NFIB: variants seen among roughly 807,000 people sequenced by gnomAD.
The protein encoded by NFIB is nuclear factor I B.
A neutral mutation model predicts 61.5 loss-of-function variants in NFIB; 11 were observed. The observed-to-expected ratio is 0.18, with a 90% CI of 0.11 to 0.30. The LOEUF (loss-of-function observed/expected upper bound fraction) is 0.30. Ranked by LOEUF, NFIB falls within the 10% of genes least tolerant of loss-of-function variation. The pLI is 1.00. For synonymous variants in NFIB, 260 were observed against 216.5 expected (o/e 1.20, Z -1.76); for missense variants, 471 against 608.9 (o/e 0.77, Z 2.38).
chr9:14,360,797 G>T (rs1564030644), intron 1 of NFIB, among the ~76,000 whole-genome samples: 1 of 152,070 alleles, frequency 6.6e-6, no homozygotes, highest in African/African-American at 2.4e-5. Context: ...GCCCGCCTGG[G>T]CCTCCCAAAG....
At chr9:14,090,463 T>C (rs1209392581) in intron 10 of NFIB, among the ~76,000 whole-genome samples, 1 of 152,118 alleles carries the variant, frequency 6.6e-6, no homozygotes, top group Non-Finnish European at 1.5e-5. Flanking sequence ...TACATGGTCC[T>C]GTTACAGCAT....
chr9:14,091,977 C>G (rs1478268559), intron 10 of NFIB, among the ~76,000 whole-genome samples: 1 of 152,022 alleles, frequency 6.6e-6, no homozygotes, highest in Non-Finnish European at 1.5e-5. Context: ...TATTTTCTTG[C>G]TATTTTGACC....
intron 2 of NFIB, among the ~76,000 whole-genome samples, chr9:14,189,636 C>T (rs1434742973): frequency 6.6e-6 from 1 of 151,298 alleles, no homozygotes; most frequent in South Asian, 2.1e-4. Flanking sequence ...GGTTGCACTG[C>T]CCCTTGCAAA....
chr9:14,413,816 C>T, the NFIB span, among the ~76,000 whole-genome samples: 4 of 152,106 alleles, frequency 2.6e-5, no homozygotes, highest in Admixed American at 2.6e-4. Flanking sequence ...TTGACCATGT[C>T]AGGCTCAGTC....
the NFIB span, among the ~76,000 whole-genome samples, chr9:14,503,744 T>C: frequency 6.6e-6 from 1 of 152,248 alleles, no homozygotes; most frequent in African/African-American, 2.4e-5. Context: ...GATGTATAGA[T>C]TGTGAAGATT....
At chr9:14,305,968 G>T in intron 2 of NFIB, 1 of 1,349,632 alleles carries the variant, frequency 7.4e-7, no homozygotes, top group South Asian at 1.9e-5. Flanking sequence ...TGTTGGTAAT[G>T]CAAGGACATC....
chr9:14,465,485 G>C, the NFIB span, among the ~76,000 whole-genome samples: 2 of 152,026 alleles, frequency 1.3e-5, no homozygotes, highest in Non-Finnish European at 2.9e-5. Context: ...TAACAACATA[G>C]AGAGAAGAAA....
chr9:14,488,329 C>G, the NFIB span, among the ~76,000 whole-genome samples: 5 of 150,544 alleles, frequency 3.3e-5, no homozygotes, highest in Admixed American at 3.3e-4. Context: ...CACCACCGCA[C>G]TTCAATCTGG....
At chr9:14,267,322 T>C (rs1449811913) in intron 2 of NFIB, among the ~76,000 whole-genome samples, 1 of 152,184 alleles carries the variant, frequency 6.6e-6, no homozygotes, top group Non-Finnish European at 1.5e-5. Flanking sequence ...ACAAAAGTAG[T>C]CTATAGAGGA....
chr9:14,431,594 G>C, the NFIB span, among the ~76,000 whole-genome samples: 3 of 151,706 alleles, frequency 2.0e-5, no homozygotes, highest in Non-Finnish European at 2.9e-5. Flanking sequence ...TAATTATCAA[G>C]GTAATATCAT....
chr9:14,342,464 A>G (rs762380623), intron 1 of NFIB, among the ~76,000 whole-genome samples: 50 of 151,842 alleles, frequency 3.3e-4, no homozygotes, highest in Admixed American at 8.5e-4. Flanking sequence ...GGCAGGGAGG[A>G]GGGAAGGGAA....
At chr9:14,451,394 A>T in the NFIB span, among the ~76,000 whole-genome samples, 2 of 152,218 alleles carry the variant, frequency 1.3e-5, no homozygotes, top group African/African-American at 4.8e-5. Flanking sequence ...ATTGAACCTT[A>T]ATGTGCTCAC....
chr9:14,154,518 C>G (rs555802858), intron 4 of NFIB, among the ~76,000 whole-genome samples: 1 of 152,210 alleles, frequency 6.6e-6, no homozygotes, highest in African/African-American at 2.4e-5. Flanking sequence ...TTGGATATCA[C>G]ATATTGATCT....
intron 2 of NFIB, among the ~76,000 whole-genome samples, chr9:14,276,713 A>G (rs560503658): frequency 5.3e-5 from 8 of 152,258 alleles, no homozygotes; most frequent in Non-Finnish European, 8.8e-5. Flanking sequence ...ACATAGAAGT[A>G]TCTGACTTTA....
chr9:14,313,358 G>T lies in NFIB; in HGVS notation c.30+124C>A. 7.1e-7 allele frequency: 1 copy of T among 1,399,398 alleles called. No homozygotes were observed. Among genetic ancestry groups the T allele is most frequent in the Non-Finnish European group, 9.8e-7 (1 of 1,025,638 alleles). The allele number at this position is 1,399,398 out of a possible 1,614,324, so 86.7% of individuals were successfully genotyped here. ...CCCCGCGACGCCCGCTGCAACTCCG[G>T]GCCACTTCTCCAAGGGACGGGGATG... On this transcript the variant is annotated intron_variant, in intron 1 of 10. Coordinates refer to ENST00000380953, the MANE Select transcript of NFIB (RefSeq NM_001190737.2). This position sits in a 1 kb window ranked among gnomAD's most constrained non-coding sequence, Gnocchi z 4.5.
At chr9:14,389,633 CA>C (rs1020936459) in intron 1 of NFIB, among the ~76,000 whole-genome samples, 3 of 151,992 alleles carry the variant, frequency 2.0e-5, no homozygotes, top group African/African-American at 7.3e-5. Context: ...ACTTTATATC[CA>C]AAAAAGTTAC....
intron 1 of NFIB, among the ~76,000 whole-genome samples, chr9:14,312,912 C>G (rs1219937281): frequency 2.0e-5 from 3 of 152,166 alleles, no homozygotes; most frequent in African/African-American, 4.8e-5. Context: ...TCACTATGGA[C>G]CAGGGTTTCA....
intron 1 of NFIB, among the ~76,000 whole-genome samples, chr9:14,380,809 G>T (rs2061479169): frequency 6.6e-6 from 1 of 152,024 alleles, no homozygotes; most frequent in Admixed American, 6.5e-5. Context: ...GAGTCTCAGT[G>T]ACTGCACAAA....
chr9:14,110,558 G>A (rs748617820), intron 10 of NFIB, among the ~76,000 whole-genome samples: 2 of 151,922 alleles, frequency 1.3e-5, no homozygotes, highest in African/African-American at 2.4e-5. Flanking sequence ...TAAACCAAAT[G>A]CATTTAGAAA....
Sources: allele counts gnomAD v4.1 joint callset (sites outside exome capture counted in the v4.1 genomes callset), GRCh38; gene constraint gnomAD v4.1.1; non-coding constraint Gnocchi (gnomAD v3.1); transcripts MANE v1.5; gene names NCBI Gene and HGNC (gene_info 2026-07-23, HGNC 2026-07-21).